The following TFAP2E variants were observed in gnomAD, a reference collection of about 807,000 sequenced individuals.
TFAP2E encodes the protein transcription factor AP-2 epsilon, also known as transcription factor AP-2-epsilon.
TFAP2E carries 30 observed loss-of-function variants against 37.9 expected under a neutral mutation model. The observed-to-expected ratio is 0.79, with a 90% CI of 0.59 to 1.07. The LOEUF is 1.07. TFAP2E is among the 50% of genes least tolerant of loss of function. The probability of loss-of-function intolerance (pLI) is 0.00; values close to 1 mark genes in which losing one functional copy is unlikely to be tolerated. For synonymous variants in TFAP2E, 318 were observed against 295.8 expected (o/e 1.08, Z -0.77); for missense variants, 567 against 637.9 (o/e 0.89, Z 1.20).
chr1:35,574,348 T>A lies in TFAP2E; in HGVS notation c.449T>A (p.Leu150Gln). 1 of 1,450,114 alleles carries A rather than the reference T, an allele frequency of 6.9e-7. No homozygotes were observed. The highest frequency in any genetic ancestry group is 9.0e-7 in the Non-Finnish European group (1 of 1,113,510). 89.8% of individuals were successfully genotyped at this position (1,450,114 alleles called of 1,614,324 possible). ...GGCCTGGCCGACGGCGCGCACGGCC[T>A]GGCAGACGCACCTCTCGGCCTTCCG... ...LHGLADGAHGLADAPLGLPGL... is the reference protein window; with the variant it reads ...LHGLADGAHGQADAPLGLPGL... The change falls in exon 2 of 7, where the codon CTG (leucine) becomes CAG (glutamine). Residue 150 changes from leucine (L) to glutamine (Q), a missense_variant. Leu to Gln is a moderately radical substitution (Grantham distance 113). Around this residue, in one of 3 missense-constraint regions of TFAP2E, gnomAD observed 312 missense variants for 317.4 expected, o/e 0.98. Transcript: ENST00000373235.
At position 35,574,025 on chromosome 1, in the gene TFAP2E, G is replaced by C. The variant is rs1350446632; in HGVS notation, c.126G>C (p.Pro42=). ...YGPAPPLCHT[P]AATAAAEFQP... Reference sequence around the variant, plus strand: ...CGGCGCCCCCGCTCTGCCACACGCCGGCCGCCACAGCTGCCGCCGAATTCC... The same window carrying C: ...CGGCGCCCCCGCTCTGCCACACGCCCGCCGCCACAGCTGCCGCCGAATTCC... Residue 42 remains proline (P), a synonymous_variant, in exon 2 of 7, where the codon CCG becomes CCC. Transcript: ENST00000373235. The C allele has an allele frequency of 2.7e-6, 4 of 1,485,440 alleles. No individual in the cohort carries two copies. The Admixed American group carries it at 6.6e-5, about 24-fold the overall frequency. The allele number at this position is 1,485,440 out of a possible 1,614,324, so 92.0% of individuals were successfully genotyped here.
intron 3 of TFAP2E, among the ~76,000 whole-genome samples, chr1:35,586,500 G>A (rs999425358): frequency 2.6e-5 from 4 of 152,190 alleles, no homozygotes; most frequent in African/African-American, 9.7e-5. Flanking sequence ...GGGGCAGGGT[G>A]ACCAGAGCAA....
At position 35,589,963 on chromosome 1, in the gene TFAP2E, G is replaced by T; in HGVS notation, c.819G>T (p.Arg273=). The part of the protein sequence containing the change: ...AKSKNGGRCL[R]ERLEKIGLNL... ...CCAAAAATGGGGGCCGGTGTTTGCG[G>T]GAACGGTTAGAGAAGATTGGGCTCA... Residue 273 remains arginine (R), a synonymous_variant, in exon 5 of 7, where the codon CGG becomes CGT. Coordinates refer to ENST00000373235, the MANE Select transcript of TFAP2E (RefSeq NM_178548.4). 1 of 1,614,096 alleles carries T rather than the reference G, an allele frequency of 6.2e-7. No individual in the cohort carries two copies.
chr1:35,573,563 G>A lies in TFAP2E; in HGVS notation c.-15G>A, dbSNP rs1227322932. The A allele has an allele frequency of 6.6e-7, 1 of 1,524,302 alleles. No individual in the cohort carries two copies. Among genetic ancestry groups the A allele is most frequent in the Non-Finnish European group, 8.8e-7 (1 of 1,136,766 alleles). 94.4% of individuals were successfully genotyped at this position (1,524,302 alleles called of 1,614,324 possible). A position where few individuals can be genotyped will look rare whatever the true frequency, so the allele number is the denominator to read the frequency against. Reference sequence around the variant, plus strand: ...TCCGCCGCCGCCACGCCTCGCGCCCGGCACTCACCGCCCCATGCTGGTGCA... The same window carrying A: ...TCCGCCGCCGCCACGCCTCGCGCCCAGCACTCACCGCCCCATGCTGGTGCA... On this transcript the variant is annotated 5_prime_UTR_variant, in exon 1 of 7. Transcript: ENST00000373235. This position sits in a 1 kb window ranked among gnomAD's most constrained non-coding sequence, Gnocchi z 5.9.
chr1:35,588,328 A>G lies in TFAP2E; in HGVS notation c.563-2A>G. The G allele has an allele frequency of 6.2e-7, 1 of 1,608,940 alleles. No homozygotes were observed. The highest frequency in any genetic ancestry group is 8.5e-7 in the Non-Finnish European group (1 of 1,176,906). On this transcript the variant is annotated splice_acceptor_variant, in intron 3 of 6. Coordinates refer to ENST00000373235, the MANE Select transcript of TFAP2E (RefSeq NM_178548.4). LOFTEE classifies it high-confidence loss of function. This position sits in a 1 kb window ranked among gnomAD's most constrained non-coding sequence, Gnocchi z 5.1. The stretch of plus-strand genomic sequence containing the variant: ...GGCTCAGCGTTTCCCTCTTCTCCAC[A>G]GTGCCCATCCCCTCCAAAGCCAGCA...
intron 3 of TFAP2E, among the ~76,000 whole-genome samples, chr1:35,581,309 G>A (rs927376901): frequency 1.3e-5 from 2 of 152,046 alleles, no homozygotes; most frequent in Admixed American, 6.6e-5. Context: ...GTCAGTTGAC[G>A]GGCACTTGGG....
rs762948125 is a variant in TFAP2E, at chr1:35,594,676, A to G, written c.1329A>G (p.Ter443=). The G allele has an allele frequency of 6.8e-6, 11 of 1,613,584 alleles. No individual in the cohort carries two copies. The highest frequency in any genetic ancestry group is 8.5e-6 in the Non-Finnish European group (10 of 1,180,044). Residue 443 remains the stop codon, a stop_retained_variant, in exon 7 of 7, where the codon TAA becomes TAG. Transcript: ENST00000373235. Reference sequence around the variant, plus strand: ...AGAAGGATGCCAAGCATCGGAAATAACTGCTTCTCCCACCCCATCCCTAAG... The same window carrying G: ...AGAAGGATGCCAAGCATCGGAAATAGCTGCTTCTCCCACCCCATCCCTAAG... ...ASEKDAKHRK[*]
chr1:35,589,186 CTCTGTGTGTGTGTGTGTGTGTGTG>C (rs1649578624), intron 4 of TFAP2E, among the ~76,000 whole-genome samples: 2 of 133,628 alleles, frequency 1.5e-5, no homozygotes, highest in East Asian at 4.7e-4. Context: ...GTGTGTCCTG[CTCTGTGTGTGTGTGTGTGTGTGTG>C]TGTGTGTGTG....
In TFAP2E at chr1:35,577,658, C is replaced by T. The variant is rs1649219290; in HGVS notation, c.562+2658C>T. 1 of 306,728 alleles carries T rather than the reference C, an allele frequency of 3.3e-6. No individual in the cohort carries two copies. The highest frequency in any genetic ancestry group is 2.2e-5 in the African/African-American group (1 of 45,462). The allele number at this position is 306,728 out of a possible 1,614,324, so 19.0% of individuals were successfully genotyped here. A position where few individuals can be genotyped will look rare whatever the true frequency, so the allele number is the denominator to read the frequency against. ...CACCCCAGAAGCGGCCTTCGCATCG[C>T]TGCGGTGGGCGTTCTCGGGCTTCGA... is the stretch of plus-strand genomic sequence containing the variant. On this transcript the variant is annotated intron_variant, in intron 3 of 6. Coordinates refer to ENST00000373235, the MANE Select transcript of TFAP2E (RefSeq NM_178548.4). This position sits in a 1 kb window ranked among gnomAD's most constrained non-coding sequence, Gnocchi z 6.3.
intron 2 of TFAP2E, 194 bp downstream of exon 2, chr1:35,574,603 C>T (rs1300387718): frequency 2.1e-5 from 21 of 977,152 alleles, no homozygotes; most frequent in East Asian, 1.6e-4. Context: ...GCACTGAGTC[C>T]GCCAGCAGTG....
At chr1:35,574,604 G>C in intron 2 of TFAP2E, 195 bp downstream of exon 2, 1 of 959,550 alleles carries the variant, frequency 1.0e-6, no homozygotes, top group African/African-American at 1.6e-5. Context: ...CACTGAGTCC[G>C]CCAGCAGTGC....
In TFAP2E at chr1:35,574,067, G is replaced by A. The variant is rs1265282832; in HGVS notation, c.168G>A (p.Pro56=). Residue 56 remains proline (P), a synonymous_variant, in exon 2 of 7, where the codon CCG becomes CCA. Coordinates refer to ENST00000373235, the MANE Select transcript of TFAP2E (RefSeq NM_178548.4). Reference sequence around the variant, plus strand: ...CCGAATTCCAGCCGCCCTACTTCCCGCCGCCCTACCCGCAGCCACCGCTGC... The same window carrying A: ...CCGAATTCCAGCCGCCCTACTTCCCACCGCCCTACCCGCAGCCACCGCTGC... The part of the protein sequence containing the change: ...AAAEFQPPYF[P]PPYPQPPLPY... 1.3e-6 allele frequency: 2 copies of A among 1,481,736 alleles called. No individual in the cohort carries two copies. Among genetic ancestry groups the A allele is most frequent in the Non-Finnish European group, 1.8e-6 (2 of 1,120,762 alleles). The allele number at this position is 1,481,736 out of a possible 1,614,324, so 91.8% of individuals were successfully genotyped here. A position where few individuals can be genotyped will look rare whatever the true frequency, so the allele number is the denominator to read the frequency against.
chr1:35,591,945 C>T (rs1649699875), intron 6 of TFAP2E, among the ~76,000 whole-genome samples: 1 of 152,196 alleles, frequency 6.6e-6, no homozygotes, highest in Non-Finnish European at 1.5e-5. Context: ...GCCTTGGACT[C>T]CCAAAGTTCT....
intron 3 of TFAP2E, among the ~76,000 whole-genome samples, chr1:35,580,921 T>C (rs1649335182): frequency 6.6e-6 from 1 of 152,210 alleles, no homozygotes; most frequent in Non-Finnish European, 1.5e-5. Context: ...AGAATATAAT[T>C]TGATGATTTT....
In TFAP2E at chr1:35,589,610, C is replaced by A. The variant is rs551871922; in HGVS notation, c.786-320C>A. Among the ~76,000 whole-genome samples the A allele has an allele frequency of 2.0e-4, 31 of 152,084 alleles. No homozygotes were observed. In the South Asian group the frequency reaches 6.0e-3, roughly 30 times the overall value. ...TGTCTCTACATATAGGTCTGTGTAT[C>A]CCCTGGTAGGTGTGTGTGGCCCTCT... On this transcript the variant is annotated intron_variant, in intron 4 of 6. Coordinates refer to ENST00000373235, the MANE Select transcript of TFAP2E (RefSeq NM_178548.4).
Position 35,577,368 on chromosome 1 carries a change from A to G in TFAP2E, c.562+2368A>G, listed in dbSNP as rs564463957. On this transcript the variant is annotated intron_variant, in intron 3 of 6. Transcript: ENST00000373235. This position sits in a 1 kb window ranked among gnomAD's most constrained non-coding sequence, Gnocchi z 6.3. The stretch of plus-strand genomic sequence containing the variant: ...CGGGATTCGGCGTTGCCGCCAGCCC[A>G]GTGGGGAGTGAATTAGCGCCCTCCT... 267 of 456,740 alleles carry G rather than the reference A, an allele frequency of 5.8e-4. No individual in the cohort carries two copies. The highest frequency in any genetic ancestry group is 5.2e-3 in the African/African-American group (259 of 50,200). 28.3% of individuals were successfully genotyped at this position (456,740 alleles called of 1,614,324 possible). A position where few individuals can be genotyped will look rare whatever the true frequency, so the allele number is the denominator to read the frequency against.
intron 3 of TFAP2E, among the ~76,000 whole-genome samples, chr1:35,580,774 C>CAA (rs879888617): frequency 2.2e-5 from 3 of 135,892 alleles, no homozygotes; most frequent in Non-Finnish European, 1.6e-5. Flanking sequence ...GACTCTGCCT[C>CAA]AAAAAAAAAA....
rs1463849185 is a variant in TFAP2E at position 35,588,867 on chromosome 1, C to T, written c.785+315C>T. On this transcript the variant is annotated intron_variant, in intron 4 of 6. Coordinates refer to ENST00000373235, the MANE Select transcript of TFAP2E (RefSeq NM_178548.4). This position sits in a 1 kb window ranked among gnomAD's most constrained non-coding sequence, Gnocchi z 5.1. ...GGAAGAGAGAGGGCCATCCTCACCC[C>T]CTCTTCTAGGAAATGAACCCCAGGA... Among the ~76,000 whole-genome samples the T allele has an allele frequency of 6.6e-6, 1 of 152,148 alleles. No individual in the cohort carries two copies. The highest frequency in any genetic ancestry group is 2.4e-5 in the African/African-American group (1 of 41,434).
rs1649784387 is a variant in TFAP2E, at chr1:35,594,742, T to A, written c.*66T>A. 1 of 1,603,490 alleles carries A rather than the reference T, an allele frequency of 6.2e-7. No individual in the cohort carries two copies. Among genetic ancestry groups the A allele is most frequent in the Admixed American group, 1.7e-5 (1 of 58,186 alleles). On this transcript the variant is annotated 3_prime_UTR_variant, in exon 7 of 7. Coordinates refer to ENST00000373235, the MANE Select transcript of TFAP2E (RefSeq NM_178548.4). ...GAAATAGGGACTTAGCTCTTGGGGG[T>A]GGGCCTGGAAGGACTGAAAGGTGGG...
Sources: gnomAD v4.1 joint callset for allele counts (sites outside exome capture counted in the v4.1 genomes callset) on GRCh38, gnomAD v4.1.1 for gene constraint, gnomAD v4.1.1 regional missense constraint, Gnocchi (gnomAD v3.1) non-coding constraint, MANE v1.5 for transcripts, NCBI Gene and HGNC (gene_info 2026-07-23, HGNC 2026-07-21) for gene names.